Variants in RBM27 observed in about 807,000 individuals in gnomAD.
The protein encoded by RBM27 is RNA-binding protein 27.
RBM27 carries 22 observed loss-of-function variants against 135.3 expected under a neutral mutation model. The ratio of observed to expected loss-of-function variants is 0.16; its 90% CI spans 0.12 to 0.23. The LOEUF is 0.23. Ranked by LOEUF, RBM27 falls within the 10% of genes least tolerant of loss-of-function variation. The probability of loss-of-function intolerance (pLI) is 1.00; values close to 1 mark genes in which losing one functional copy is unlikely to be tolerated. For synonymous variants in RBM27, 481 were observed against 442.4 expected (o/e 1.09, Z -1.10); for missense variants, 1,009 against 1,281.0 (o/e 0.79, Z 3.24).
intron 4 of RBM27, among the ~76,000 whole-genome samples, chr5:146,229,328 T>G (rs1461870617): frequency 2.6e-5 from 4 of 152,236 alleles, no homozygotes; most frequent in Non-Finnish European, 5.9e-5. Flanking sequence ...TGCTTAGTAT[T>G]AAAATCATCC....
chr5:146,271,584 A>C lies in RBM27; in HGVS notation c.2898A>C (p.Leu966=). The change falls in exon 19 of 21, where the codon CTA becomes CTC. Residue 966 remains leucine (L), a synonymous_variant. Transcript: ENST00000265271. ...GTGGAGGAAGAGGAAGGGGCTCACT[A>C]AATCACATGGTGGTGGACCATCGTC... The part of the protein sequence containing the change: ...RGRGGRGRGS[L]NHMVVDHRPK... The C allele has an allele frequency of 6.2e-7, 1 of 1,613,718 alleles. No individual in the cohort carries two copies. The highest frequency in any genetic ancestry group is 8.5e-7 in the Non-Finnish European group (1 of 1,179,644).
chr5:146,270,866 C>A, intron 17 of RBM27, 88 bp from the exon 18 acceptor site: 2 of 780,852 alleles, frequency 2.6e-6, no homozygotes, highest in Non-Finnish European at 4.1e-6. Context: ...TTCCAAAATA[C>A]ATGTGTGTCA....
At chr5:146,284,564 C>G in intron 19 of RBM27, 58 bp from the exon 20 acceptor site, 1 of 1,086,680 alleles carries the variant, frequency 9.2e-7, no homozygotes, top group Non-Finnish European at 1.4e-6. Flanking sequence ...ACAGAATTTG[C>G]AGAAATCATT....
At chr5:146,253,487 T>C (rs1757979564) in intron 9 of RBM27, among the ~76,000 whole-genome samples, 1 of 152,014 alleles carries the variant, frequency 6.6e-6, no homozygotes, top group African/African-American at 2.4e-5. Flanking sequence ...TAACATTTTA[T>C]TAGAGGGAGA....
chr5:146,279,067 G>A (rs1210055412), intron 19 of RBM27, among the ~76,000 whole-genome samples: 2 of 152,106 alleles, frequency 1.3e-5, no homozygotes, highest in East Asian at 3.9e-4. Context: ...AGATGTGTAT[G>A]TGAGAGAATG....
chr5:146,251,443 C>T (rs1015048279), intron 8 of RBM27, among the ~76,000 whole-genome samples: 4 of 152,118 alleles, frequency 2.6e-5, no homozygotes, highest in African/African-American at 7.2e-5. Context: ...AAAATTAGCA[C>T]GTAGTTTTCT....
At chr5:146,264,542 G>T (rs1178130798) in intron 14 of RBM27, among the ~76,000 whole-genome samples, 2 of 150,834 alleles carry the variant, frequency 1.3e-5, no homozygotes, top group African/African-American at 4.9e-5. Flanking sequence ...ATTTAGTGAA[G>T]GGTATTCTGT....
intron 19 of RBM27, among the ~76,000 whole-genome samples, chr5:146,275,163 A>G (rs1759040052): frequency 6.6e-6 from 1 of 151,464 alleles, no homozygotes; most frequent in African/African-American, 2.4e-5. Flanking sequence ...TACTTTATAT[A>G]TCAAATATTT....
At chr5:146,231,531 T>C (rs546687420) in intron 6 of RBM27, among the ~76,000 whole-genome samples, 3 of 152,298 alleles carry the variant, frequency 2.0e-5, no homozygotes, top group African/African-American at 7.2e-5. Flanking sequence ...TTTTTTGTTT[T>C]CACTGTTATT....
chr5:146,269,165 C>T (rs535080191), intron 15 of RBM27, 42 bp from the exon 16 acceptor site: 1 of 1,442,536 alleles, frequency 6.9e-7, no homozygotes, highest in Non-Finnish European at 9.6e-7. Context: ...AGAATGGTGG[C>T]AAATTACATT....
rs1447673249 is a variant in RBM27, at chr5:146,239,643, A to C, written c.1279+2211A>C. On this transcript the variant is annotated intron_variant, in intron 8 of 20. Transcript: ENST00000265271. ...CAGGCATGTATCACTATACCCAGCT[A>C]ATCTTTTTGTATTTTGGGTAGAGAT... 2.0e-5 allele frequency among the ~76,000 whole-genome samples: 3 copies of C among 151,822 alleles called. No individual in the cohort carries two copies. In the East Asian group the frequency reaches 5.8e-4, roughly 29 times the overall value.
At chr5:146,280,212 C>T (rs1362385236) in intron 19 of RBM27, among the ~76,000 whole-genome samples, 2 of 152,000 alleles carry the variant, frequency 1.3e-5, no homozygotes, top group African/African-American at 2.4e-5. Context: ...CATGCACCAC[C>T]GCGCCCAGCT....
Position 146,286,923 on chromosome 5 carries a change from C to A in RBM27, c.*893C>A, listed in dbSNP as rs1320008259. ...GTTCATTTGGGCAACCGCAGGCAGT[C>A]TCCAATAAAAGGTTCAAACCAGCAC... On this transcript the variant is annotated 3_prime_UTR_variant, in exon 21 of 21. Coordinates refer to ENST00000265271, the MANE Select transcript of RBM27 (RefSeq NM_018989.2). 1.3e-5 allele frequency: 2 copies of A among 152,384 alleles called. No individual in the cohort carries two copies. Among genetic ancestry groups the A allele is most frequent in the Non-Finnish European group, 2.9e-5 (2 of 68,024 alleles). The allele number at this position is 152,384 out of a possible 1,614,324, so 9.4% of individuals were successfully genotyped here.
intron 2 of RBM27, among the ~76,000 whole-genome samples, chr5:146,222,339 C>G (rs570118787): frequency 6.6e-6 from 1 of 152,318 alleles, no homozygotes; most frequent in African/African-American, 2.4e-5. Flanking sequence ...TTAATATGCT[C>G]TTTAGCTGTT....
intron 19 of RBM27, among the ~76,000 whole-genome samples, chr5:146,276,913 A>G (rs1307520368): frequency 6.6e-6 from 1 of 152,212 alleles, no homozygotes; most frequent in African/African-American, 2.4e-5. Flanking sequence ...AATTAAATTT[A>G]AAAGGTAATA....
chr5:146,251,715 G>A lies in RBM27; in HGVS notation c.1284G>A (p.Gln428=). 1.2e-6 allele frequency: 2 copies of A among 1,608,352 alleles called. No individual in the cohort carries two copies. Among genetic ancestry groups the A allele is most frequent in the Non-Finnish European group, 1.7e-6 (2 of 1,174,764 alleles). Residue 428 remains glutamine (Q), a synonymous_variant, in exon 9 of 21, where the codon CAG becomes CAA. Coordinates refer to ENST00000265271, the MANE Select transcript of RBM27 (RefSeq NM_018989.2). ...CTCCTATTCTTTCCTCTATAGGACA[G>A]CCCATGTACTCTCGTGAACATGGTG... The part of the protein sequence containing the change: ...QNLLYTVSER[Q]PMYSREHGAA...
At chr5:146,219,838 C>T (rs1450295639) in intron 2 of RBM27, among the ~76,000 whole-genome samples, 1 of 152,218 alleles carries the variant, frequency 6.6e-6, no homozygotes, top group South Asian at 2.1e-4. Flanking sequence ...CATCCACTCT[C>T]CTCCTTCCAA....
chr5:146,246,098 G>A (rs868713982), intron 8 of RBM27, among the ~76,000 whole-genome samples: 3 of 152,200 alleles, frequency 2.0e-5, no homozygotes, highest in Non-Finnish European at 4.4e-5. Context: ...TATACATCAG[G>A]CACTGTTTAG....
intron 1 of RBM27, among the ~76,000 whole-genome samples, chr5:146,204,094 G>T (rs1455671427): frequency 1.3e-5 from 2 of 152,226 alleles, no homozygotes; most frequent in Non-Finnish European, 2.9e-5. Flanking sequence ...GGTGCTGGAA[G>T]GGGTAGCAGG....
Sources: gnomAD v4.1 joint callset for allele counts (sites outside exome capture counted in the v4.1 genomes callset) on GRCh38, gnomAD v4.1.1 for gene constraint, MANE v1.5 for transcripts, NCBI Gene and HGNC (gene_info 2026-07-23, HGNC 2026-07-21) for gene names.